NRXN1: variants seen among roughly 807,000 people sequenced by gnomAD.
The protein encoded by NRXN1 is neurexin-1.
NRXN1 carries 39 observed loss-of-function variants against 150.9 expected under a neutral mutation model. The ratio of observed to expected loss-of-function variants is 0.26; its 90% confidence interval spans 0.20 to 0.34. The LOEUF is 0.34. NRXN1 is among the 10% of genes least tolerant of loss of function. NRXN1 has a pLI of 1.00. For missense variants in NRXN1, 1,815 were observed against 1,949.9 expected, an observed-to-expected ratio of 0.93 and a Z score of 1.30; for synonymous variants, 924 against 757.0, an observed-to-expected ratio of 1.22 and a Z score of -3.62.
chr2:50,228,262 A>G (rs1001833779), intron 18 of NRXN1, among the ~76,000 whole-genome samples: 3 of 152,096 alleles, frequency 2.0e-5, no homozygotes, highest in Non-Finnish European at 2.9e-5. Flanking sequence ...AGTAAAACTA[A>G]TTCCATCTTT....
intron 5 of NRXN1, among the ~76,000 whole-genome samples, chr2:50,709,283 C>T (rs1389203679): frequency 6.6e-6 from 1 of 152,140 alleles, no homozygotes; most frequent in Non-Finnish European, 1.5e-5. Context: ...CGGAACCATA[C>T]ATTGACTCTA....
At position 50,262,531 on chromosome 2, in the gene NRXN1, C is replaced by A. The variant is rs147898316; in HGVS notation, c.3365-25561G>T. On this transcript the variant is annotated intron_variant, in intron 17 of 22. Transcript: ENST00000401669. ...TTAAATGTTATTAGGCAAAACCACC[C>A]TGGCTGATTTGTTTTGTGAATACAT... 8.7e-4 allele frequency among the ~76,000 whole-genome samples: 132 copies of A among 152,014 alleles called. 1 individual carries two copies. The highest frequency in any genetic ancestry group is 3.1e-3 in the African/African-American group (128 of 41,532).
intron 18 of NRXN1, among the ~76,000 whole-genome samples, chr2:50,124,236 G>T (rs1441622771): frequency 6.6e-6 from 1 of 152,114 alleles, no homozygotes; most frequent in East Asian, 1.9e-4. Flanking sequence ...ACTGAGAATT[G>T]ACATTGATGG....
At chr2:50,649,617 AT>A (rs1187360501) in intron 5 of NRXN1, among the ~76,000 whole-genome samples, 8 of 151,934 alleles carry the variant, frequency 5.3e-5, no homozygotes, top group African/African-American at 1.4e-4. Context: ...TCTGACAATG[AT>A]TTTTGTGACC....
chr2:50,202,914 A>G (rs1380398312), intron 18 of NRXN1, among the ~76,000 whole-genome samples: 1 of 152,066 alleles, frequency 6.6e-6, no homozygotes, highest in Non-Finnish European at 1.5e-5. Context: ...ATAACTTGGG[A>G]TTGTACTGGA....
chr2:50,623,296 T>C lies in NRXN1; in HGVS notation c.1134+18A>G. ...CGAGAAACAAAGCCAGTTACTCTCTTATCCACTGCGCTGTTACCTGACGCA... is the reference window on the plus strand; with the variant it reads ...CGAGAAACAAAGCCAGTTACTCTCTCATCCACTGCGCTGTTACCTGACGCA... On this transcript the variant is annotated intron_variant, in intron 6 of 22. Transcript: ENST00000401669. 6.2e-7 allele frequency: 1 copy of C among 1,605,084 alleles called. No individual in the cohort carries two copies. Among genetic ancestry groups the C allele is most frequent in the Non-Finnish European group, 8.5e-7 (1 of 1,172,858 alleles).
chr2:50,120,659 T>C lies in NRXN1; in HGVS notation c.3547-29165A>G, dbSNP rs1574022487. Among the ~76,000 whole-genome samples, 4 of 152,302 alleles carry C rather than the reference T, an allele frequency of 2.6e-5. No homozygotes were observed. The South Asian group carries it at 8.3e-4, about 32-fold the overall frequency. On this transcript the variant is annotated intron_variant, in intron 18 of 22. Transcript: ENST00000401669. Reference sequence around the variant, plus strand: ...AAGTATAAAAATTAAGTCATTGACCTTTACTGATTTGATAATAGTACTTAG... The same window carrying C: ...AAGTATAAAAATTAAGTCATTGACCCTTACTGATTTGATAATAGTACTTAG...
At chr2:49,989,490 T>C (rs531979909) in intron 21 of NRXN1, among the ~76,000 whole-genome samples, 4 of 152,106 alleles carry the variant, frequency 2.6e-5, no homozygotes, top group Non-Finnish European at 4.4e-5. Flanking sequence ...GGAAAGACCA[T>C]GAGGAGCATA....
At chr2:50,665,736 T>C (rs771729160) in intron 5 of NRXN1, among the ~76,000 whole-genome samples, 6 of 151,994 alleles carry the variant, frequency 3.9e-5, no homozygotes, top group Non-Finnish European at 7.4e-5. Flanking sequence ...TATGCAAGAA[T>C]TGAATCAACT....
intron 17 of NRXN1, among the ~76,000 whole-genome samples, chr2:50,431,222 C>G (rs2084937742): frequency 6.6e-6 from 1 of 152,126 alleles, no homozygotes; most frequent in African/African-American, 2.4e-5. Flanking sequence ...CAATTTTTCC[C>G]AGTTCCCTCC....
Position 50,346,298 on chromosome 2 carries a change from C to T in NRXN1, c.3365-109328G>A, listed in dbSNP as rs1241615602. 6.6e-6 allele frequency among the ~76,000 whole-genome samples: 1 copy of T among 152,166 alleles called. No homozygotes were observed. The highest frequency in any genetic ancestry group is 1.5e-5 in the Non-Finnish European group (1 of 68,042). On this transcript the variant is annotated intron_variant, in intron 17 of 22. Coordinates refer to ENST00000401669, the MANE Select transcript of NRXN1 (RefSeq NM_001330078.2). This position sits in a 1 kb window ranked among gnomAD's most constrained non-coding sequence, Gnocchi z 5.0. ...GCATATACAGCACAGACAAAAGGTTCTGCAGAGCCCTCTTCTCTCTGGTGC... is the reference window on the plus strand; with the variant it reads ...GCATATACAGCACAGACAAAAGGTTTTGCAGAGCCCTCTTCTCTCTGGTGC...
intron 5 of NRXN1, among the ~76,000 whole-genome samples, chr2:50,676,234 T>C (rs749232211): frequency 1.3e-5 from 2 of 152,128 alleles, no homozygotes; most frequent in Non-Finnish European, 2.9e-5. Context: ...GATTGTAAGC[T>C]TCCTGAGGCC....
At chr2:50,796,586 C>T (rs1706865125) in intron 5 of NRXN1, among the ~76,000 whole-genome samples, 1 of 152,114 alleles carries the variant, frequency 6.6e-6, no homozygotes, top group African/African-American at 2.4e-5. Context: ...GTTTGGCTTT[C>T]CCCTAAGTGA....
At chr2:50,817,000 G>A (rs936457245) in intron 5 of NRXN1, among the ~76,000 whole-genome samples, 2 of 151,900 alleles carry the variant, frequency 1.3e-5, no homozygotes, top group African/African-American at 4.8e-5. Flanking sequence ...AAATTACACA[G>A]GGCTCTCGGA....
chr2:50,341,987 A>G (rs1051304285), intron 17 of NRXN1, among the ~76,000 whole-genome samples: 1 of 152,218 alleles, frequency 6.6e-6, no homozygotes. Context: ...TTCCAACAAT[A>G]GCTTGGATTT....
At chr2:50,068,198 T>C (rs2152660744) in intron 19 of NRXN1, among the ~76,000 whole-genome samples, 1 of 152,260 alleles carries the variant, frequency 6.6e-6, no homozygotes, top group African/African-American at 2.4e-5. Context: ...AAAGATGAGG[T>C]TTGTCCATTG....
At chr2:50,413,461 C>T (rs1393612368) in intron 17 of NRXN1, among the ~76,000 whole-genome samples, 1 of 151,954 alleles carries the variant, frequency 6.6e-6, no homozygotes, top group African/African-American at 2.4e-5. Flanking sequence ...GGGAGAAATG[C>T]CAATCAAAAC....
In NRXN1 at chr2:50,043,547, A is replaced by C. The variant is rs185686099; in HGVS notation, c.4128+9724T>G. ...CTTCAAGGACAATTTCTTTTGGAAGAAACTTATATTCCCTTTGGATCCATG... is the reference window on the plus strand; with the variant it reads ...CTTCAAGGACAATTTCTTTTGGAAGCAACTTATATTCCCTTTGGATCCATG... On this transcript the variant is annotated intron_variant, in intron 21 of 22. Coordinates refer to ENST00000401669, the MANE Select transcript of NRXN1 (RefSeq NM_001330078.2). Among the ~76,000 whole-genome samples, 31 of 152,334 alleles carry C rather than the reference A, an allele frequency of 2.0e-4. No homozygotes were observed. The East Asian group carries it at 3.9e-3, about 19-fold the overall frequency.
intron 17 of NRXN1, among the ~76,000 whole-genome samples, chr2:50,302,089 G>A (rs563172978): frequency 7.0e-6 from 1 of 143,288 alleles, no homozygotes; most frequent in Non-Finnish European, 1.5e-5. Context: ...AGTTGTTGGG[G>A]CAATGAAGAT....
Sources: gnomAD v4.1 joint callset for allele counts (sites outside exome capture counted in the v4.1 genomes callset) on GRCh38, gnomAD v4.1.1 for gene constraint, Gnocchi (gnomAD v3.1) non-coding constraint, MANE v1.5 for transcripts, NCBI Gene and HGNC (gene_info 2026-07-23, HGNC 2026-07-21) for gene names.